The following ZNF804A variants were observed in gnomAD, a reference collection of about 807,000 sequenced individuals.
ZNF804A encodes the protein zinc finger protein 804A.
Under a neutral mutation model 16.5 loss-of-function variants are expected in ZNF804A, and 2 were observed. That is an observed-to-expected ratio of 0.12 (90% CI 0.05 to 0.38). The LOEUF is 0.38. Among genes scored for constraint, ZNF804A ranks in the 10% least tolerant of loss-of-function variants. The pLI is 0.99. For synonymous variants in ZNF804A, 534 were observed against 489.6 expected, an observed-to-expected ratio of 1.09 and a Z score of -1.20; for missense variants, 1,473 against 1,390.7, an observed-to-expected ratio of 1.06 and a Z score of -0.94.
At chr2:184,787,463 A>G (rs539747774) in intron 1 of ZNF804A, among the ~76,000 whole-genome samples, 2 of 152,042 alleles carry the variant, frequency 1.3e-5, no homozygotes, top group African/African-American at 2.4e-5. Flanking sequence ...ACTACTTTGC[A>G]TTGCTACCAA....
Position 184,854,866 on chromosome 2 carries a change from T to C in ZNF804A, c.112-11503T>C, listed in dbSNP as rs144889458. Among the ~76,000 whole-genome samples, 499 of 152,172 alleles carry C rather than the reference T, an allele frequency of 3.3e-3. 5 individuals carry two copies. The highest frequency in any genetic ancestry group is 0.011 in the African/African-American group (477 of 41,544). ...GCTGATCATGAAACAAGCAAAGATC[T>C]ATCACAATGAACTATAAATTGAATA... On this transcript the variant is annotated intron_variant, in intron 1 of 3. Transcript: ENST00000302277.
At chr2:184,752,161 A>T (rs192325987) in intron 1 of ZNF804A, among the ~76,000 whole-genome samples, 2 of 151,498 alleles carry the variant, frequency 1.3e-5, no homozygotes, top group Non-Finnish European at 3.0e-5. Flanking sequence ...ATAATTATAT[A>T]AAAAAGACAC....
At position 184,640,616 on chromosome 2, in the gene ZNF804A, A is replaced by C. The variant is rs147002157; in HGVS notation, c.111+41546A>C. Among the ~76,000 whole-genome samples, 1,463 of 152,288 alleles carry C rather than the reference A, an allele frequency of 9.6e-3. 26 individuals carry two copies. The highest frequency in any genetic ancestry group is 0.034 in the African/African-American group (1,394 of 41,570). ...TTATTAACAAACTATAAGTAATTGAATAATAAGGATGATATATAATATCAG... is the reference window on the plus strand; with the variant it reads ...TTATTAACAAACTATAAGTAATTGACTAATAAGGATGATATATAATATCAG... On this transcript the variant is annotated intron_variant, in intron 1 of 3. Transcript: ENST00000302277.
intron 1 of ZNF804A, among the ~76,000 whole-genome samples, chr2:184,732,189 A>G (rs1161607375): frequency 6.6e-6 from 1 of 151,478 alleles, no homozygotes; most frequent in South Asian, 2.1e-4. Flanking sequence ...TGTGTTTCAT[A>G]TTTAGGTCTG....
intron 1 of ZNF804A, among the ~76,000 whole-genome samples, chr2:184,720,133 T>C (rs1693283836): frequency 6.6e-6 from 1 of 152,022 alleles, no homozygotes; most frequent in Non-Finnish European, 1.5e-5. Context: ...AGACTCCTGT[T>C]TTTAAAAGCA....
intron 1 of ZNF804A, among the ~76,000 whole-genome samples, chr2:184,806,157 A>G (rs1172750282): frequency 1.3e-5 from 2 of 152,000 alleles, no homozygotes; most frequent in African/African-American, 4.8e-5. Context: ...AATAAATGGC[A>G]TTGAATAAGT....
intron 1 of ZNF804A, among the ~76,000 whole-genome samples, chr2:184,627,207 A>G (rs955946037): frequency 2.6e-5 from 4 of 152,144 alleles, no homozygotes; most frequent in Non-Finnish European, 5.9e-5. Flanking sequence ...AACTCTGATC[A>G]TTAAGATTAT....
chr2:184,745,624 A>G (rs1435300349), intron 1 of ZNF804A, among the ~76,000 whole-genome samples: 3 of 151,640 alleles, frequency 2.0e-5, no homozygotes, highest in Non-Finnish European at 4.4e-5. Context: ...AACAGAACAT[A>G]AACTCATGCA....
intron 1 of ZNF804A, among the ~76,000 whole-genome samples, chr2:184,637,798 C>T (rs1391492170): frequency 6.6e-6 from 1 of 152,124 alleles, no homozygotes; most frequent in Non-Finnish European, 1.5e-5. Context: ...TTCTGGGCCA[C>T]TGTAGCTTGA....
intron 1 of ZNF804A, among the ~76,000 whole-genome samples, chr2:184,671,634 G>T (rs1250229172): frequency 6.6e-6 from 1 of 152,160 alleles, no homozygotes; most frequent in East Asian, 1.9e-4. Context: ...TTGGTAATTA[G>T]TCCCTTTATT....
At chr2:184,796,098 A>G (rs537223960) in intron 1 of ZNF804A, among the ~76,000 whole-genome samples, 5 of 152,062 alleles carry the variant, frequency 3.3e-5, no homozygotes, top group East Asian at 1.9e-4. Flanking sequence ...TCTTTTTGAT[A>G]TGTTGTTGGA....
chr2:184,770,148 T>G (rs372961835), intron 1 of ZNF804A, among the ~76,000 whole-genome samples: 2 of 152,144 alleles, frequency 1.3e-5, no homozygotes, highest in East Asian at 3.9e-4. Flanking sequence ...TCATCTGATT[T>G]AAAGACTATC....
At chr2:184,745,274 T>C (rs1693772264) in intron 1 of ZNF804A, among the ~76,000 whole-genome samples, 1 of 151,640 alleles carries the variant, frequency 6.6e-6, no homozygotes, top group African/African-American at 2.4e-5. Flanking sequence ...GTGTTCCCGG[T>C]TTTACAAAGA....
intron 1 of ZNF804A, among the ~76,000 whole-genome samples, chr2:184,729,815 T>C (rs940063572): frequency 2.0e-5 from 3 of 152,108 alleles, no homozygotes; most frequent in Non-Finnish European, 4.4e-5. Context: ...GCCAAGCCTA[T>C]GGAAATCCAT....
chr2:184,847,636 C>T (rs1182070794), intron 1 of ZNF804A, among the ~76,000 whole-genome samples: 6 of 152,036 alleles, frequency 3.9e-5, no homozygotes, highest in African/African-American at 1.4e-4. Flanking sequence ...TTTCCTCACA[C>T]TAATTAATCC....
At chr2:184,740,394 A>T (rs1307149944) in intron 1 of ZNF804A, among the ~76,000 whole-genome samples, 1 of 152,236 alleles carries the variant, frequency 6.6e-6, no homozygotes, top group African/African-American at 2.4e-5. Context: ...TACGGTGCTT[A>T]CATAATATGC....
Position 184,610,257 on chromosome 2 carries a change from A to G in ZNF804A, c.111+11187A>G, listed in dbSNP as rs550238487. Among the ~76,000 whole-genome samples, 11 of 152,310 alleles carry G rather than the reference A, an allele frequency of 7.2e-5. No individual in the cohort carries two copies. In the East Asian group the frequency reaches 2.1e-3, roughly 29 times the overall value. ...TACCTTGGATGTTCCAGCTTTGACA[A>G]CTGTAAAAAATAACTTTTTTAATGT... On this transcript the variant is annotated intron_variant, in intron 1 of 3. Coordinates refer to ENST00000302277, the MANE Select transcript of ZNF804A (RefSeq NM_194250.2).
chr2:184,735,679 T>C (rs1262177284), intron 1 of ZNF804A, among the ~76,000 whole-genome samples: 1 of 152,224 alleles, frequency 6.6e-6, no homozygotes, highest in Non-Finnish European at 1.5e-5. Context: ...TGGTATTTGA[T>C]GAATAGTGTC....
At chr2:184,655,226 C>T (rs893243643) in intron 1 of ZNF804A, among the ~76,000 whole-genome samples, 1 of 152,206 alleles carries the variant, frequency 6.6e-6, no homozygotes, top group Non-Finnish European at 1.5e-5. Flanking sequence ...TATCACTCCC[C>T]TTTCACAAAT....
Sources: allele counts gnomAD v4.1 joint callset (sites outside exome capture counted in the v4.1 genomes callset), GRCh38; gene constraint gnomAD v4.1.1; transcripts MANE v1.5; gene names NCBI Gene and HGNC (gene_info 2026-07-23, HGNC 2026-07-21).